The following MYLK4 variants were observed in gnomAD, a reference collection of about 807,000 sequenced individuals.
MYLK4 encodes caMLCK like.
A neutral mutation model predicts 48.1 loss-of-function variants in MYLK4; 46 were observed. That is an observed-to-expected ratio of 0.96 (90% confidence interval 0.75 to 1.22). MYLK4 has a LOEUF of 1.22. Among genes scored for constraint, MYLK4 ranks in the 50% most tolerant of loss-of-function variants. The pLI, the probability that MYLK4 is intolerant of heterozygous loss-of-function variation, is 0.00. For synonymous variants in MYLK4, 170 were observed against 180.8 expected (o/e 0.94, Z 0.48); for missense variants, 451 against 486.1 (o/e 0.93, Z 0.68).
chr6:2,724,349 G>A (rs1324832293), intron 2 of MYLK4, among the ~76,000 whole-genome samples: 1 of 152,154 alleles, frequency 6.6e-6, no homozygotes, highest in African/African-American at 2.4e-5. Context: ...CCTGGATAGG[G>A]GCACATTAAG....
chr6:2,678,110 C>T (rs925424938), intron 10 of MYLK4, 110 bp downstream of exon 10: 37 of 1,358,374 alleles, frequency 2.7e-5, no homozygotes, highest in Admixed American at 6.2e-5. Context: ...CATGACTTTG[C>T]GCAAGCATCA....
At chr6:2,675,851 G>C (rs1024755262) in intron 10 of MYLK4, among the ~76,000 whole-genome samples, 1 of 152,162 alleles carries the variant, frequency 6.6e-6, no homozygotes, top group Admixed American at 6.5e-5. Context: ...CCAGCACTTT[G>C]GGAGGCCGAG....
At chr6:2,670,093 C>T (rs991212483) in intron 12 of MYLK4, among the ~76,000 whole-genome samples, 7 of 152,142 alleles carry the variant, frequency 4.6e-5, no homozygotes, top group Admixed American at 2.0e-4. Context: ...AGGCCAGGCC[C>T]GGTGGCTCAC....
chr6:2,673,645 G>A lies in MYLK4; in HGVS notation c.1119+1402C>T, dbSNP rs1437141261. Among the ~76,000 whole-genome samples, 1 of 152,334 alleles carries A rather than the reference G, an allele frequency of 6.6e-6. No homozygotes were observed. The highest frequency in any genetic ancestry group is 3.4e-3 in the Middle Eastern group (1 of 294). ...CAAAGGTTGGCATGGCGTCTTGCCT[G>A]TATATGCATCTTGCCAGTTGAACAT... is the stretch of plus-strand genomic sequence containing the variant. On this transcript the variant is annotated intron_variant, in intron 11 of 12. Transcript: ENST00000274643. The surrounding 1 kb of genome is among the most constrained non-coding windows in gnomAD (Gnocchi z 4.2).
chr6:2,682,645 GT>G (rs766103957), intron 7 of MYLK4, among the ~76,000 whole-genome samples: 11 of 152,150 alleles, frequency 7.2e-5, no homozygotes, highest in Non-Finnish European at 1.5e-4. Flanking sequence ...ACCTGGAAAG[GT>G]TGACTACTAC....
the MYLK4 span, among the ~76,000 whole-genome samples, chr6:2,764,191 T>C: frequency 6.6e-6 from 1 of 152,240 alleles, no homozygotes; most frequent in Admixed American, 6.5e-5. Flanking sequence ...ATGATTAAAG[T>C]TTAACTTGTT....
At chr6:2,748,665 C>T (rs1764183053) in intron 2 of MYLK4, among the ~76,000 whole-genome samples, 1 of 152,240 alleles carries the variant, frequency 6.6e-6, no homozygotes, top group African/African-American at 2.4e-5. Flanking sequence ...TCGTTCTGCA[C>T]AGAGGAGGGT....
At chr6:2,711,822 A>G (rs1762685048) in intron 2 of MYLK4, among the ~76,000 whole-genome samples, 1 of 152,180 alleles carries the variant, frequency 6.6e-6, no homozygotes, top group Non-Finnish European at 1.5e-5. Context: ...ATTTTAAGGT[A>G]TATAACTTTA....
At chr6:2,676,765 C>G (rs1264845856) in intron 10 of MYLK4, among the ~76,000 whole-genome samples, 3 of 152,106 alleles carry the variant, frequency 2.0e-5, no homozygotes, top group Non-Finnish European at 4.4e-5. Context: ...CTGAGATAGC[C>G]GTGTGACTGC....
chr6:2,679,352 G>A lies in MYLK4; in HGVS notation c.815C>T (p.Pro272Leu), dbSNP rs771850352. The change falls in exon 9 of 13, where the codon CCT (proline) becomes CTT (leucine). Residue 272 changes from proline to leucine, a missense_variant. By Grantham distance (98) the Pro-to-Leu change is moderately conservative (BLOSUM62 -3). Coordinates refer to ENST00000274643, the MANE Select transcript of MYLK4 (RefSeq NM_001012418.5). ...VNFGTPEFLA[P>L]EVVNYDFVSF... is the part of the protein sequence containing the mutation. ...AACAAAATCATAGTTCACAACTTCA[G>A]GGGCGAGAAATTCTGGGGTTCCAAA... 1.9e-6 allele frequency: 3 copies of A among 1,614,170 alleles called. No individual in the cohort carries two copies. Among genetic ancestry groups the A allele is most frequent in the Non-Finnish European group, 1.7e-6 (2 of 1,180,014 alleles).
intron 2 of MYLK4, among the ~76,000 whole-genome samples, chr6:2,728,593 C>A (rs1763370383): frequency 6.6e-6 from 1 of 152,160 alleles, no homozygotes; most frequent in Non-Finnish European, 1.5e-5. Context: ...TCCTCCTGGC[C>A]CCAGTGGCTC....
intron 1 of MYLK4, among the ~76,000 whole-genome samples, chr6:2,750,411 T>C (rs915797226): frequency 3.9e-5 from 6 of 152,316 alleles, no homozygotes; most frequent in Admixed American, 3.3e-4. Flanking sequence ...ACCAGAGCTC[T>C]ACAGATATAT....
chr6:2,699,287 C>CTTTTCTTTTTTTTTTTT (rs1193027641), intron 2 of MYLK4, among the ~76,000 whole-genome samples: 1 of 77,894 alleles, frequency 1.3e-5, no homozygotes, highest in South Asian at 5.4e-4. Flanking sequence ...CTTTTCTTTT[C>CTTTTCTTTTTTTTTTTT]TTTTTTTTTT....
In MYLK4 at chr6:2,741,980, G is replaced by A. The variant is rs538617333; in HGVS notation, c.159+7156C>T. On this transcript the variant is annotated intron_variant, in intron 2 of 12. Coordinates refer to ENST00000274643, the MANE Select transcript of MYLK4 (RefSeq NM_001012418.5). ...TCCCACAGGAGATACGATAAACAGC[G>A]AAAAATGATTAACACTTGGGCAACA... Among the ~76,000 whole-genome samples the A allele has an allele frequency of 8.5e-4, 129 of 152,184 alleles. 2 individuals are homozygous for A. In the South Asian group the frequency reaches 0.024, roughly 28 times the overall value.
intron 10 of MYLK4, among the ~76,000 whole-genome samples, chr6:2,675,596 TAG>T (rs1317658265): frequency 4.6e-5 from 7 of 152,082 alleles, no homozygotes; most frequent in African/African-American, 1.7e-4. Context: ...GGTAGGGAAA[TAG>T]AGTCGATGTA....
the MYLK4 span, among the ~76,000 whole-genome samples, chr6:2,769,278 G>A: frequency 2.0e-4 from 30 of 151,704 alleles, no homozygotes; most frequent in Non-Finnish European, 8.8e-5. Context: ...TTAAACAATC[G>A]GTATTTTCTG....
chr6:2,703,835 T>C (rs544949156), intron 2 of MYLK4, among the ~76,000 whole-genome samples: 30 of 152,166 alleles, frequency 2.0e-4, no homozygotes, highest in African/African-American at 7.2e-4. Flanking sequence ...CACGCCCACC[T>C]AATTTTTGTA....
intron 2 of MYLK4, among the ~76,000 whole-genome samples, chr6:2,705,438 G>C (rs1478719042): frequency 3.3e-5 from 5 of 152,310 alleles, no homozygotes; most frequent in African/African-American, 1.2e-4. Context: ...TACAGAGTCT[G>C]AGTTTGTAAC....
At chr6:2,725,603 GAAAC>G (rs369948027) in intron 2 of MYLK4, among the ~76,000 whole-genome samples, 15,905 of 145,124 alleles carry the variant, frequency 0.11, 913 homozygotes, top group South Asian at 0.17. Flanking sequence ...AAGAAAGAAA[GAAAC>G]AAACAAACAA....
Sources: gnomAD v4.1 joint callset for allele counts (sites outside exome capture counted in the v4.1 genomes callset) on GRCh38, gnomAD v4.1.1 for gene constraint, Gnocchi (gnomAD v3.1) non-coding constraint, MANE v1.5 for transcripts, NCBI Gene and HGNC (gene_info 2026-07-23, HGNC 2026-07-21) for gene names.